THSD4: variants seen among roughly 807,000 people sequenced by gnomAD.
THSD4 encodes thrombospondin type-1 domain-containing protein 4.
In THSD4, 69 loss-of-function variants were observed where a neutral mutation model predicts 119.0. That is an observed-to-expected ratio of 0.58 (90% CI 0.48 to 0.71). The LOEUF is 0.71. Among genes scored for constraint, THSD4 ranks in the 30% least tolerant of loss-of-function variants. The probability of loss-of-function intolerance (pLI) is 0.00; values close to 1 mark genes in which losing one functional copy is unlikely to be tolerated. For synonymous variants in THSD4, 524 were observed against 540.4 expected, an observed-to-expected ratio of 0.97 and a Z score of 0.42; for missense variants, 1,393 against 1,391.1, an observed-to-expected ratio of 1.00 and a Z score of -0.02.
At chr15:71,533,506 AC>A (rs2048646269) in intron 7 of THSD4, among the ~76,000 whole-genome samples, 1 of 152,246 alleles carries the variant, frequency 6.6e-6, no homozygotes, top group Non-Finnish European at 1.5e-5. Context: ...GATGTATTTA[AC>A]TCAGACCTTG....
At chr15:71,654,591 C>T (rs1438847339) in intron 7 of THSD4, among the ~76,000 whole-genome samples, 1 of 152,208 alleles carries the variant, frequency 6.6e-6, no homozygotes, top group Non-Finnish European at 1.5e-5. Context: ...TATTGATCTA[C>T]ATGCCTAACA....
In THSD4 at chr15:71,331,562, T is replaced by C. The variant is rs529594265; in HGVS notation, c.1015+74847T>C. ...CTGCAGAGCTTCACTCTAGCTGGGATTGCTCTGCAGTCTGGCCCCCAGAGC... is the reference window on the plus strand; with the variant it reads ...CTGCAGAGCTTCACTCTAGCTGGGACTGCTCTGCAGTCTGGCCCCCAGAGC... On this transcript the variant is annotated intron_variant, in intron 6 of 17. Coordinates refer to ENST00000261862, the MANE Select transcript of THSD4 (RefSeq NM_024817.3). Among the ~76,000 whole-genome samples, 35 of 152,294 alleles carry C rather than the reference T, an allele frequency of 2.3e-4. 2 individuals carry two copies. Among genetic ancestry groups the C allele is most frequent in the African/African-American group, 8.2e-4 (34 of 41,574 alleles).
chr15:71,100,489 C>T (rs1373678456), intron 1 of THSD4, among the ~76,000 whole-genome samples: 1 of 152,152 alleles, frequency 6.6e-6, no homozygotes, highest in East Asian at 1.9e-4. Flanking sequence ...GACCTCAGCC[C>T]TGGCCAACAC....
chr15:71,562,900 C>T (rs993190197), intron 7 of THSD4, among the ~76,000 whole-genome samples: 9 of 151,990 alleles, frequency 5.9e-5, no homozygotes, highest in Non-Finnish European at 1.0e-4. Flanking sequence ...AACGGGGTTT[C>T]GCCATGTTAG....
At chr15:71,324,169 G>T (rs992507913) in intron 6 of THSD4, among the ~76,000 whole-genome samples, 3 of 151,596 alleles carry the variant, frequency 2.0e-5, no homozygotes, top group African/African-American at 7.3e-5. Context: ...GCAAATAATT[G>T]TGATAGCTGT....
chr15:71,560,042 A>G (rs1004269315), intron 7 of THSD4, among the ~76,000 whole-genome samples: 4 of 152,144 alleles, frequency 2.6e-5, no homozygotes, highest in African/African-American at 9.7e-5. Context: ...TGCATACTCA[A>G]TTAGGCATTT....
At chr15:71,135,500 C>T (rs984558172) in intron 1 of THSD4, among the ~76,000 whole-genome samples, 1 of 151,668 alleles carries the variant, frequency 6.6e-6, no homozygotes, top group African/African-American at 2.4e-5. Flanking sequence ...AACTTCTAGA[C>T]TCTCCTGTGC....
intron 1 of THSD4, among the ~76,000 whole-genome samples, chr15:71,117,455 A>G (rs1363411881): frequency 6.6e-6 from 1 of 151,952 alleles, no homozygotes; most frequent in Non-Finnish European, 1.5e-5. Context: ...TACCACTTTT[A>G]TCCTAATTGC....
chr15:71,688,044 A>G (rs1315204548), intron 8 of THSD4, among the ~76,000 whole-genome samples: 2 of 152,312 alleles, frequency 1.3e-5, no homozygotes, highest in Middle Eastern at 3.4e-3. Flanking sequence ...GATGTATTCT[A>G]TGTAACAGTT....
At chr15:71,408,823 G>A (rs1487882163) in intron 6 of THSD4, among the ~76,000 whole-genome samples, 1 of 152,274 alleles carries the variant, frequency 6.6e-6, no homozygotes, top group Non-Finnish European at 1.5e-5. Flanking sequence ...CTGCACTCCA[G>A]CCTGAGTGAT....
rs1380366217 is a variant in THSD4 at position 71,418,920 on chromosome 15, AT to A, written c.1152+7098del. ...CTTGATAGGTTGTATGTATCTAGGA[AT>A]GTTATTCATTTATTCTACATTTTCC... On this transcript the variant is annotated intron_variant, in intron 7 of 17. Transcript: ENST00000261862. Among the ~76,000 whole-genome samples, 2 of 107,752 alleles carry A rather than the reference AT, an allele frequency of 1.9e-5. 1 individual carries two copies. Among genetic ancestry groups the A allele is most frequent in the Non-Finnish European group, 4.1e-5 (2 of 48,964 alleles). The allele number at this position is 107,752 out of a possible 152,430, so 70.7% of individuals were successfully genotyped here. A position where few individuals can be genotyped will look rare whatever the true frequency, so the allele number is the denominator to read the frequency against.
At chr15:71,656,044 T>A (rs558805216) in intron 7 of THSD4, among the ~76,000 whole-genome samples, 2 of 152,226 alleles carry the variant, frequency 1.3e-5, no homozygotes, top group Non-Finnish European at 2.9e-5. Flanking sequence ...CTGTTTTTCC[T>A]GATAAATGAC....
chr15:71,400,303 A>C (rs974403415), intron 6 of THSD4, among the ~76,000 whole-genome samples: 4 of 152,202 alleles, frequency 2.6e-5, no homozygotes, highest in African/African-American at 9.6e-5. Flanking sequence ...TCTTTTTCAG[A>C]ACAGGAAAAG....
intron 6 of THSD4, among the ~76,000 whole-genome samples, chr15:71,335,117 T>G (rs2045474340): frequency 6.6e-6 from 1 of 152,100 alleles, no homozygotes; most frequent in Non-Finnish European, 1.5e-5. Flanking sequence ...GAGAAATGAG[T>G]CTTGAATCCT....
intron 3 of THSD4, among the ~76,000 whole-genome samples, chr15:71,159,524 G>T (rs1203475773): frequency 1.3e-5 from 2 of 151,660 alleles, no homozygotes; most frequent in African/African-American, 4.8e-5. Context: ...TTATTCCTAG[G>T]TATCTTATTT....
chr15:71,752,901 G>A (rs1311828158), intron 14 of THSD4, among the ~76,000 whole-genome samples: 1 of 152,186 alleles, frequency 6.6e-6, no homozygotes, highest in Non-Finnish European at 1.5e-5. Flanking sequence ...GCTTTGTGTA[G>A]AAAATGGCCT....
intron 8 of THSD4, among the ~76,000 whole-genome samples, chr15:71,708,143 C>T (rs1247239105): frequency 6.6e-6 from 1 of 152,224 alleles, no homozygotes; most frequent in Non-Finnish European, 1.5e-5. Flanking sequence ...AGGACAAAAA[C>T]AGATCCCAGA....
intron 8 of THSD4, among the ~76,000 whole-genome samples, chr15:71,719,315 G>T (rs1221229373): frequency 1.3e-5 from 2 of 152,238 alleles, no homozygotes; most frequent in South Asian, 4.1e-4. Context: ...ACAGGTTTGA[G>T]TCCATCCAAA....
intron 7 of THSD4, among the ~76,000 whole-genome samples, chr15:71,414,008 A>C (rs1166788342): frequency 6.6e-6 from 1 of 152,238 alleles, no homozygotes; most frequent in Non-Finnish European, 1.5e-5. Flanking sequence ...ACAGGTGCAC[A>C]CTGTTGAGGA....
Sources: gnomAD v4.1 joint callset for allele counts (sites outside exome capture counted in the v4.1 genomes callset) on GRCh38, gnomAD v4.1.1 for gene constraint, MANE v1.5 for transcripts, NCBI Gene and HGNC (gene_info 2026-07-23, HGNC 2026-07-21) for gene names.